DNAAF1: variants seen among roughly 807,000 people sequenced by gnomAD.
DNAAF1 encodes the protein dynein axonemal assembly factor 1.
In DNAAF1, 65 loss-of-function variants were observed where a neutral mutation model predicts 71.1. The observed-to-expected ratio is 0.91, with a 90% CI of 0.75 to 1.12. The LOEUF (loss-of-function observed/expected upper bound fraction) is 1.12. Ranked by LOEUF, DNAAF1 falls within the 50% of genes most tolerant of loss-of-function variation. DNAAF1 has a pLI of 0.00. For missense variants in DNAAF1, 1,178 were observed against 899.8 expected (o/e 1.31, Z -3.96); for synonymous variants, 414 against 354.6 (o/e 1.17, Z -1.88).
At chr16:84,175,444 AC>A (rs143120082) in intron 10 of DNAAF1, 2,982 of 198,034 alleles carry the variant, frequency 0.015, 100 homozygotes, top group African/African-American at 0.066. Context: ...ACCCTACTCC[AC>A]CCAGAGGCCA....
At position 84,170,280 on chromosome 16, in the gene DNAAF1, G is replaced by A. The variant is rs773473941; in HGVS notation, c.1452G>A (p.Glu484=). The A allele has an allele frequency of 1.3e-5, 21 of 1,609,740 alleles. No homozygotes were observed. Among genetic ancestry groups the A allele is most frequent in the Non-Finnish European group, 1.7e-5 (20 of 1,178,126 alleles). The change falls in exon 8 of 12, where the codon GAG becomes GAA. Residue 484 remains glutamate, a synonymous_variant. Transcript: ENST00000378553. ...CACCGCCTGTGAAGGTTAAAGGAGA[G>A]GATGGAGATCGAGAGCCAGAGGGGA... is the stretch of plus-strand genomic sequence containing the variant. ...LLSPPVKVKG[E]DGDREPEGTL...
intron 6 of DNAAF1, among the ~76,000 whole-genome samples, chr16:84,160,278 A>G (rs774260730): frequency 6.6e-6 from 1 of 152,188 alleles, no homozygotes; most frequent in Non-Finnish European, 1.5e-5. Context: ...CTTCATTGTT[A>G]TTGGACACTT....
intron 5 of DNAAF1, among the ~76,000 whole-genome samples, chr16:84,157,467 C>T (rs945164566): frequency 3.4e-5 from 5 of 145,334 alleles, no homozygotes; most frequent in African/African-American, 7.7e-5. Context: ...TGCAGTGAGC[C>T]GAGATCTCAC....
intron 6 of DNAAF1, among the ~76,000 whole-genome samples, chr16:84,162,775 C>CTGCACTCCA (rs1322409802): frequency 1.3e-5 from 2 of 151,922 alleles, no homozygotes; most frequent in Non-Finnish European, 2.9e-5. Context: ...GCCAAGATCA[C>CTGCACTCCA]GCCACTGCAC....
At chr16:84,162,824 CA>C (rs201364279) in intron 6 of DNAAF1, among the ~76,000 whole-genome samples, 7 of 146,744 alleles carry the variant, frequency 4.8e-5, no homozygotes, top group Admixed American at 6.8e-5. Flanking sequence ...CTCAAAAAAA[CA>C]AAAAAAAAAG....
In DNAAF1 at chr16:84,177,783, C is replaced by G. The variant is rs757455850; in HGVS notation, c.2120C>G (p.Pro707Arg). The change falls in exon 12 of 12, where the codon CCC becomes CGC. Residue 707 changes from proline to arginine, a missense_variant. Transcript: ENST00000378553. ...GAGACGTGTGTCGGAGTTGCCCAGC[C>G]CAGCCAAGCTCTGCCCACGTGGGAC... The part of the protein sequence containing the change: ...PPETCVGVAQ[P>R]SQALPTWDLT... 4 of 1,614,078 alleles carry G rather than the reference C, an allele frequency of 2.5e-6. No homozygotes were observed. The highest frequency in any genetic ancestry group is 3.4e-6 in the Non-Finnish European group (4 of 1,180,018).
intron 6 of DNAAF1, among the ~76,000 whole-genome samples, chr16:84,162,425 T>A (rs981284877): frequency 2.0e-5 from 3 of 150,836 alleles, no homozygotes; most frequent in African/African-American, 7.3e-5. Flanking sequence ...AATAAATAAA[T>A]AAAAATAAAA....
chr16:84,146,320 G>A (rs1023626235), intron 1 of DNAAF1, among the ~76,000 whole-genome samples: 1 of 152,224 alleles, frequency 6.6e-6, no homozygotes, highest in African/African-American at 2.4e-5. Flanking sequence ...TGAATTTGGA[G>A]TCTAGTCCAG....
At chr16:84,166,343 G>A (rs750769221) in intron 7 of DNAAF1, among the ~76,000 whole-genome samples, 62 of 150,084 alleles carry the variant, frequency 4.1e-4, no homozygotes, top group Admixed American at 9.3e-4. Context: ...GTGAGCCACT[G>A]TGCCCAGCCT....
chr16:84,157,040 A>G (rs1413202101), intron 5 of DNAAF1, among the ~76,000 whole-genome samples: 3 of 151,234 alleles, frequency 2.0e-5, no homozygotes, highest in Admixed American at 2.0e-4. Flanking sequence ...TTTTGTAGAG[A>G]TGGGTTTTGC....
At chr16:84,161,356 A>G (rs1457883919) in intron 6 of DNAAF1, among the ~76,000 whole-genome samples, 1 of 152,130 alleles carries the variant, frequency 6.6e-6, no homozygotes, top group Non-Finnish European at 1.5e-5. Context: ...AGCATAGCCC[A>G]AGACTCCAGC....
chr16:84,176,045 C>T lies in DNAAF1; in HGVS notation c.1811C>T (p.Ser604Leu). ...VLENLPTDTLSNIFAVSKDTS... is the reference protein window; with the variant it reads ...VLENLPTDTLLNIFAVSKDTS... ...GAAAACCTCCCCACAGACACTCTGT[C>T]AAATATATTTGCAGTCTCTAAAGAC... The change falls in exon 11 of 12, where the codon TCA (serine) becomes TTA (leucine). Residue 604 changes from serine (S) to leucine (L), a missense_variant. Coordinates refer to ENST00000378553, the MANE Select transcript of DNAAF1 (RefSeq NM_178452.6). The T allele has an allele frequency of 6.2e-7, 1 of 1,614,134 alleles. No individual in the cohort carries two copies. Among genetic ancestry groups the T allele is most frequent in the Non-Finnish European group, 8.5e-7 (1 of 1,180,006 alleles).
chr16:84,169,958 T>C lies in DNAAF1; in HGVS notation c.1130T>C (p.Leu377Pro). 1 of 1,614,122 alleles carries C rather than the reference T, an allele frequency of 6.2e-7. No individual in the cohort carries two copies. Among genetic ancestry groups the C allele is most frequent in the Non-Finnish European group, 8.5e-7 (1 of 1,180,036 alleles). The change falls in exon 8 of 12, where the codon CTA becomes CCA. Residue 377 changes from leucine to proline, a missense_variant. Leu to Pro is a moderately conservative substitution (Grantham distance 98, BLOSUM62 -3). Transcript: ENST00000378553. ...AGAGAAACAAGGCAGAAGATGGAGCTATTTGTTAAGGAAAGCTTTGAGGCC... is the reference window on the plus strand; with the variant it reads ...AGAGAAACAAGGCAGAAGATGGAGCCATTTGTTAAGGAAAGCTTTGAGGCC... ...GDRETRQKME[L>P]FVKESFEAKD...
chr16:84,160,404 T>A (rs1402827847), intron 6 of DNAAF1, among the ~76,000 whole-genome samples: 1 of 152,246 alleles, frequency 6.6e-6, no homozygotes, highest in Non-Finnish European at 1.5e-5. Context: ...TACCCTGGAC[T>A]GCCATGTTTA....
chr16:84,156,092 A>G (rs1222147310), intron 5 of DNAAF1, among the ~76,000 whole-genome samples: 5 of 152,134 alleles, frequency 3.3e-5, no homozygotes, highest in African/African-American at 9.7e-5. Flanking sequence ...CATCCCGAGT[A>G]GCTGGGATTT....
intron 5 of DNAAF1, among the ~76,000 whole-genome samples, chr16:84,157,792 T>C (rs1045575017): frequency 1.3e-5 from 2 of 152,228 alleles, no homozygotes; most frequent in Non-Finnish European, 2.9e-5. Flanking sequence ...ATCAAAAGAC[T>C]AGTTTAGAAC....
At chr16:84,150,408 T>G in intron 3 of DNAAF1, 66 bp downstream of exon 3, 1 of 1,266,548 alleles carries the variant, frequency 7.9e-7, no homozygotes, top group Non-Finnish European at 1.2e-6. Flanking sequence ...GTATAAAAAA[T>G]TACTTGCAGG....
chr16:84,159,197 C>T (rs772269130), intron 5 of DNAAF1: 64 of 1,011,180 alleles, frequency 6.3e-5, no homozygotes, highest in East Asian at 4.0e-4. Context: ...GTCCATCCTG[C>T]GGCACTCAGC....
At chr16:84,146,095 TCAAA>T (rs149331390) in intron 1 of DNAAF1, among the ~76,000 whole-genome samples, 5,865 of 151,934 alleles carry the variant, frequency 0.039, 178 homozygotes, top group Middle Eastern at 0.075. Flanking sequence ...AGACTCCGTC[TCAAA>T]CAAACAAACA....
Sources: gnomAD v4.1 joint callset for allele counts (sites outside exome capture counted in the v4.1 genomes callset) on GRCh38, gnomAD v4.1.1 for gene constraint, MANE v1.5 for transcripts, NCBI Gene and HGNC (gene_info 2026-07-23, HGNC 2026-07-21) for gene names.